CCDC175: variants seen among roughly 807,000 people sequenced by gnomAD.
CCDC175 encodes the protein coiled-coil domain-containing protein 175.
Under a neutral mutation model 114.6 loss-of-function variants are expected in CCDC175, and 100 were observed. The ratio of observed to expected loss-of-function variants is 0.87; its 90% CI spans 0.74 to 1.03. The LOEUF (loss-of-function observed/expected upper bound fraction) is 1.03. Among genes scored for constraint, CCDC175 ranks in the 50% least tolerant of loss-of-function variants. The pLI, the probability that CCDC175 is intolerant of heterozygous loss-of-function variation, is 0.00. For missense variants in CCDC175, 880 were observed against 917.8 expected (o/e 0.96, Z 0.53); for synonymous variants, 306 against 308.7 (o/e 0.99, Z 0.09).
chr14:59,526,631 A>G (rs767303719), intron 15 of CCDC175, among the ~76,000 whole-genome samples: 1 of 152,120 alleles, frequency 6.6e-6, no homozygotes, highest in Non-Finnish European at 1.5e-5. Flanking sequence ...CCAATTCCAC[A>G]TGCATATGCT....
intron 17 of CCDC175, among the ~76,000 whole-genome samples, chr14:59,517,304 T>G (rs529981436): frequency 1.4e-4 from 21 of 152,328 alleles, no homozygotes; most frequent in African/African-American, 4.8e-4. Context: ...AACATAGTGT[T>G]GGAAGTTCTG....
intron 17 of CCDC175, among the ~76,000 whole-genome samples, chr14:59,519,271 C>G (rs1014197600): frequency 2.0e-5 from 3 of 152,082 alleles, no homozygotes; most frequent in Non-Finnish European, 2.9e-5. Flanking sequence ...ACATATGTAA[C>G]TAACCTGCAC....
intron 19 of CCDC175, among the ~76,000 whole-genome samples, chr14:59,509,646 G>A (rs1566590495): frequency 1.3e-5 from 2 of 152,096 alleles, no homozygotes. Flanking sequence ...CCGAGTAGCT[G>A]AGGCAGAGGC....
chr14:59,512,968 C>G (rs760664301), intron 17 of CCDC175, among the ~76,000 whole-genome samples: 35 of 151,944 alleles, frequency 2.3e-4, no homozygotes, highest in Non-Finnish European at 4.0e-4. Context: ...GCATGTGAAG[C>G]TATAGTAATT....
intron 7 of CCDC175, among the ~76,000 whole-genome samples, chr14:59,557,238 T>A (rs1895955485): frequency 6.6e-6 from 1 of 152,056 alleles, no homozygotes; most frequent in Admixed American, 6.5e-5. Context: ...AATGATAGAC[T>A]GGATTAAGAA....
intron 19 of CCDC175, among the ~76,000 whole-genome samples, chr14:59,508,030 A>G (rs1243230861): frequency 2.0e-5 from 3 of 152,148 alleles, no homozygotes; most frequent in African/African-American, 4.8e-5. Context: ...GAAGTTACCT[A>G]TTGAGAAATC....
At chr14:59,547,061 G>A (rs147961145) in intron 8 of CCDC175, among the ~76,000 whole-genome samples, 1 of 152,154 alleles carries the variant, frequency 6.6e-6, no homozygotes, top group East Asian at 1.9e-4. Flanking sequence ...GCAACACAGG[G>A]AGAATAGGAC....
intron 2 of CCDC175, among the ~76,000 whole-genome samples, 179 bp from the exon 3 acceptor site, chr14:59,572,992 G>A (rs1193141228): frequency 6.6e-6 from 1 of 152,070 alleles, no homozygotes; most frequent in African/African-American, 2.4e-5. Flanking sequence ...TATTTAAGGT[G>A]TCTGTTAGTT....
rs566442790 is a variant in CCDC175 at position 59,545,622 on chromosome 14, T to C, written c.1036-323A>G. On this transcript the variant is annotated intron_variant, in intron 8 of 19. Transcript: ENST00000537690. ...ATGTCCTTTTCCAGAATATAAACTA[T>C]AGAAAATGTAACATCCTCAGAAGCT... Among the ~76,000 whole-genome samples, 6 of 152,292 alleles carry C rather than the reference T, an allele frequency of 3.9e-5. No homozygotes were observed. In the South Asian group the frequency reaches 1.0e-3, roughly 26 times the overall value.
chr14:59,531,963 AC>A, intron 13 of CCDC175, 53 bp from the exon 14 acceptor site: 1 of 882,320 alleles, frequency 1.1e-6, no homozygotes. Flanking sequence ...AATTCACACA[AC>A]AATTTAAAGT....
chr14:59,536,375 C>T (rs1894397333), intron 13 of CCDC175, among the ~76,000 whole-genome samples: 1 of 152,038 alleles, frequency 6.6e-6, no homozygotes, highest in Admixed American at 6.6e-5. Flanking sequence ...CTCTCCCTAT[C>T]CCACTTCCCT....
At chr14:59,537,967 C>A in intron 13 of CCDC175, 56 bp downstream of exon 13, 1 of 1,123,912 alleles carries the variant, frequency 8.9e-7, no homozygotes, top group Non-Finnish European at 1.2e-6. Context: ...AATATTATTC[C>A]CCCTCCCCCT....
rs1892261178 is a variant in CCDC175 at position 59,505,201 on chromosome 14, AGTCT to A, written c.*34_*37del. ...TAAGTGCACTCACTTTTCCTGTAGT[AGTCT>A]GTCTTTTGAATTCACAGCAGTTGTA... On this transcript the variant is annotated 3_prime_UTR_variant, in exon 20 of 20. Coordinates refer to ENST00000537690, the MANE Select transcript of CCDC175 (RefSeq NM_001164399.2). 1.8e-6 allele frequency: 2 copies of A among 1,092,558 alleles called. No homozygotes were observed. Among genetic ancestry groups the A allele is most frequent in the East Asian group, 5.2e-5 (2 of 38,154 alleles). The allele number at this position is 1,092,558 out of a possible 1,614,324, so 67.7% of individuals were successfully genotyped here. A position where few individuals can be genotyped will look rare whatever the true frequency, so the allele number is the denominator to read the frequency against.
intron 17 of CCDC175, among the ~76,000 whole-genome samples, chr14:59,515,884 G>A (rs10138356): frequency 0.41 from 62,453 of 151,798 alleles, 14,140 homozygotes; most frequent in African/African-American, 0.6. Flanking sequence ...GCACCACACC[G>A]CACTTATTCC....
rs1429551374 is a variant in CCDC175 at position 59,514,920 on chromosome 14, G to T, written c.2099-3117C>A. 3.9e-5 allele frequency among the ~76,000 whole-genome samples: 6 copies of T among 152,186 alleles called. No individual in the cohort carries two copies. The South Asian group carries it at 8.3e-4, about 21-fold the overall frequency. On this transcript the variant is annotated intron_variant, in intron 17 of 19. Coordinates refer to ENST00000537690, the MANE Select transcript of CCDC175 (RefSeq NM_001164399.2). ...AATGTTAAGGGCAGCCAGAGAGAAA[G>T]GTCGGGTTACCCACAAAGGGAAGCC... is the stretch of plus-strand genomic sequence containing the variant.
At chr14:59,553,387 TA>T (rs748067887) in intron 7 of CCDC175, among the ~76,000 whole-genome samples, 10 of 152,152 alleles carry the variant, frequency 6.6e-5, no homozygotes, top group Non-Finnish European at 1.5e-4. Context: ...GAAGGAGAAA[TA>T]AAATCCTTTA....
chr14:59,570,836 G>T (rs1377027496), intron 3 of CCDC175, among the ~76,000 whole-genome samples: 1 of 152,150 alleles, frequency 6.6e-6, no homozygotes, highest in Non-Finnish European at 1.5e-5. Context: ...CTGCCTCCCG[G>T]GTTCAAGCAA....
Position 59,543,926 on chromosome 14 carries a change from C to T in CCDC175, c.1173-472G>A, listed in dbSNP as rs77287707. The stretch of plus-strand genomic sequence containing the variant: ...CTCTGAGTGGGTGTGTCTCTCCTAA[C>T]GTGCTTATCAATTCTGTCATGTTCT... On this transcript the variant is annotated intron_variant, in intron 9 of 19. Transcript: ENST00000537690. Among the ~76,000 whole-genome samples the T allele has an allele frequency of 9.7e-3, 1,481 of 152,302 alleles. 31 individuals carry two copies. The highest frequency in any genetic ancestry group is 0.034 in the African/African-American group (1,400 of 41,564).
At chr14:59,574,641 C>T (rs1337689310) in intron 2 of CCDC175, among the ~76,000 whole-genome samples, 1 of 152,168 alleles carries the variant, frequency 6.6e-6, no homozygotes, top group Non-Finnish European at 1.5e-5. Flanking sequence ...AGCATTTGCC[C>T]ATGTGGTCCA....
Sources: gnomAD v4.1 joint callset for allele counts (sites outside exome capture counted in the v4.1 genomes callset) on GRCh38, gnomAD v4.1.1 for gene constraint, MANE v1.5 for transcripts, NCBI Gene and HGNC (gene_info 2026-07-23, HGNC 2026-07-21) for gene names.